The following DENND1A variants were observed in gnomAD, a reference collection of about 807,000 sequenced individuals.
The protein encoded by DENND1A is DENN domain-containing protein 1A.
In DENND1A, 51 loss-of-function variants were observed where a neutral mutation model predicts 113.7. That is an observed-to-expected ratio of 0.45 (90% CI 0.36 to 0.57). DENND1A has a LOEUF of 0.57. Among genes scored for constraint, DENND1A ranks in the 20% least tolerant of loss-of-function variants. The probability of loss-of-function intolerance (pLI) is 0.00; values close to 1 mark genes in which losing one functional copy is unlikely to be tolerated. For synonymous variants in DENND1A, 565 were observed against 570.8 expected (o/e 0.99, Z 0.14); for missense variants, 1,258 against 1,395.9 (o/e 0.90, Z 1.57).
At chr9:123,384,408 G>C (rs1287973852) in intron 22 of DENND1A, among the ~76,000 whole-genome samples, 4 of 152,230 alleles carry the variant, frequency 2.6e-5, no homozygotes, top group African/African-American at 9.6e-5. Flanking sequence ...CTGGGCCTAA[G>C]CTTGCCCTGC....
chr9:123,419,001 G>A (rs995294651), intron 19 of DENND1A, among the ~76,000 whole-genome samples: 14 of 152,264 alleles, frequency 9.2e-5, no homozygotes, highest in African/African-American at 2.2e-4. Flanking sequence ...TCCTTGTGCC[G>A]TCAGAATGAG....
At chr9:123,420,411 C>T (rs1300663401) in intron 19 of DENND1A, among the ~76,000 whole-genome samples, 4 of 152,018 alleles carry the variant, frequency 2.6e-5, no homozygotes, top group South Asian at 4.1e-4. Flanking sequence ...TCCAGAGGCG[C>T]CACCTGCGAG....
chr9:123,823,447 A>G (rs1590233431), intron 2 of DENND1A, among the ~76,000 whole-genome samples: 1 of 152,326 alleles, frequency 6.6e-6, no homozygotes, highest in East Asian at 1.9e-4. Flanking sequence ...CACTGAGCAC[A>G]AGGGAGCCAG....
rs2061828464 is a variant in DENND1A, at chr9:123,638,328, G to A, written c.619-7852C>T. ...CCTCTTTAAGATGAAAAAGAAAAAG[G>A]CAGGGTTACATGGGGGACTGATAAC... On this transcript the variant is annotated intron_variant, in intron 9 of 23. Transcript: ENST00000394215. Among the ~76,000 whole-genome samples, 3 of 152,104 alleles carry A rather than the reference G, an allele frequency of 2.0e-5. No homozygotes were observed. In the South Asian group the frequency reaches 6.2e-4, roughly 32 times the overall value.
At chr9:123,856,622 C>T (rs1844247712) in intron 2 of DENND1A, among the ~76,000 whole-genome samples, 2 of 152,102 alleles carry the variant, frequency 1.3e-5, no homozygotes, top group Non-Finnish European at 1.5e-5. Flanking sequence ...CAGGGAACAA[C>T]ATGGAAGGAC....
At chr9:123,651,847 A>G (rs2062677317) in intron 9 of DENND1A, among the ~76,000 whole-genome samples, 166 bp downstream of exon 9, 1 of 88,666 alleles carries the variant, frequency 1.1e-5, no homozygotes, top group African/African-American at 4.4e-5. Context: ...TGAAATGTGC[A>G]TTGGCACTGT....
intron 2 of DENND1A, among the ~76,000 whole-genome samples, chr9:123,848,211 C>T (rs1443299905): frequency 9.2e-6 from 1 of 108,934 alleles, no homozygotes; most frequent in Non-Finnish European, 1.7e-5. Flanking sequence ...TTTTATTGCA[C>T]TTCAAAGATA....
intron 9 of DENND1A, among the ~76,000 whole-genome samples, chr9:123,646,083 C>G (rs1247365480): frequency 6.6e-6 from 1 of 152,148 alleles, no homozygotes; most frequent in African/African-American, 2.4e-5. Context: ...AGGGTAGGCC[C>G]TTAATAAACT....
At chr9:123,767,700 G>A (rs74343772) in intron 4 of DENND1A, among the ~76,000 whole-genome samples, 2,413 of 152,230 alleles carry the variant, frequency 0.016, 72 homozygotes, top group African/African-American at 0.056. Flanking sequence ...TGGTGGGGAA[G>A]ACAGAGGTTT....
Position 123,873,417 on chromosome 9 carries a change from G to A in DENND1A, c.88+5534C>T, listed in dbSNP as rs184520379. ...CAGAGCACAGAACACATGAGGGACA[G>A]TTTACAATACATGACTTCACTAGTG... On this transcript the variant is annotated intron_variant, in intron 2 of 23. Transcript: ENST00000394215. Among the ~76,000 whole-genome samples the A allele has an allele frequency of 4.0e-3, 615 of 152,304 alleles. 3 individuals are homozygous for A. The highest frequency in any genetic ancestry group is 0.014 in the African/African-American group (566 of 41,566).
chr9:123,702,162 T>TA (rs1188936899), intron 5 of DENND1A, among the ~76,000 whole-genome samples: 2 of 149,798 alleles, frequency 1.3e-5, no homozygotes, highest in Non-Finnish European at 3.0e-5. Flanking sequence ...AATAAATAAA[T>TA]AAAAACGCAA....
intron 12 of DENND1A, among the ~76,000 whole-genome samples, chr9:123,579,753 G>A (rs1221671380): frequency 6.6e-6 from 1 of 152,140 alleles, no homozygotes; most frequent in African/African-American, 2.4e-5. Context: ...CCAAATGCAG[G>A]GGACACAAAG....
chr9:123,903,379 C>T (rs953449760), intron 1 of DENND1A, among the ~76,000 whole-genome samples: 3 of 148,448 alleles, frequency 2.0e-5, no homozygotes, highest in African/African-American at 7.7e-5. Context: ...AGAAGATGGC[C>T]GAACAGGAAC....
At chr9:123,667,485 C>T (rs372360182) in intron 7 of DENND1A, among the ~76,000 whole-genome samples, 9 of 152,002 alleles carry the variant, frequency 5.9e-5, no homozygotes, top group African/African-American at 1.5e-4. Flanking sequence ...GGTGTGGTGG[C>T]GGGCACCTGT....
intron 5 of DENND1A, among the ~76,000 whole-genome samples, chr9:123,731,095 G>A (rs2068134379): frequency 1.3e-5 from 2 of 152,064 alleles, no homozygotes; most frequent in Non-Finnish European, 2.9e-5. Context: ...TCACACACCG[G>A]GGTCTGTTGT....
chr9:123,499,242 C>A (rs865841449), intron 13 of DENND1A, among the ~76,000 whole-genome samples: 8 of 152,234 alleles, frequency 5.3e-5, no homozygotes, highest in Middle Eastern at 3.4e-3. Flanking sequence ...CCACGTTGGC[C>A]AGACTGGTCT....
intron 5 of DENND1A, among the ~76,000 whole-genome samples, chr9:123,684,387 T>C (rs1326440393): frequency 6.6e-6 from 1 of 152,194 alleles, no homozygotes; most frequent in Non-Finnish European, 1.5e-5. Flanking sequence ...TCCACTCCTA[T>C]ACTTCTCATT....
intron 1 of DENND1A, among the ~76,000 whole-genome samples, chr9:123,924,167 G>T (rs1459313524): frequency 6.6e-6 from 1 of 152,154 alleles, no homozygotes; most frequent in Non-Finnish European, 1.5e-5. Flanking sequence ...CACGCAGGAC[G>T]GGTTATATAT....
intron 13 of DENND1A, among the ~76,000 whole-genome samples, chr9:123,515,273 G>A (rs1260558755): frequency 2.0e-5 from 3 of 152,300 alleles, no homozygotes; most frequent in South Asian, 2.1e-4. Flanking sequence ...AAGTAACTGC[G>A]ATTTTTGCTA....
Sources: allele counts gnomAD v4.1 joint callset (sites outside exome capture counted in the v4.1 genomes callset), GRCh38; gene constraint gnomAD v4.1.1; transcripts MANE v1.5; gene names NCBI Gene and HGNC (gene_info 2026-07-23, HGNC 2026-07-21).